The following CTTNBP2 variants were observed in gnomAD, a reference collection of about 807,000 sequenced individuals.
CTTNBP2 encodes cortactin binding protein 2, also known as cortactin-binding protein 2.
CTTNBP2 carries 108 observed loss-of-function variants against 156.9 expected under a neutral mutation model. The ratio of observed to expected loss-of-function variants is 0.69; its 90% CI spans 0.59 to 0.81. The LOEUF (loss-of-function observed/expected upper bound fraction) is 0.81, where lower values mean the gene tolerates loss of function less well. CTTNBP2 is among the 30% of genes least tolerant of loss of function. The probability of loss-of-function intolerance (pLI) is 0.00; values close to 1 mark genes in which losing one functional copy is unlikely to be tolerated. For missense variants in CTTNBP2, 1,924 were observed against 2,035.4 expected, an observed-to-expected ratio of 0.95 and a Z score of 1.05; for synonymous variants, 767 against 751.8, an observed-to-expected ratio of 1.02 and a Z score of -0.33.
intron 3 of CTTNBP2, among the ~76,000 whole-genome samples, chr7:117,802,845 C>T (rs186551289): frequency 1.3e-5 from 2 of 152,104 alleles, no homozygotes; most frequent in African/African-American, 4.8e-5. Flanking sequence ...CCACTTCACA[C>T]CAGTCAGAAT....
intron 2 of CTTNBP2, among the ~76,000 whole-genome samples, chr7:117,811,737 A>G (rs1223670266): frequency 6.6e-6 from 1 of 151,874 alleles, no homozygotes; most frequent in East Asian, 1.9e-4. Flanking sequence ...AAAATCCCCT[A>G]TAGGTTTTTT....
At chr7:117,742,429 C>T (rs1796070294) in intron 14 of CTTNBP2, among the ~76,000 whole-genome samples, 1 of 152,068 alleles carries the variant, frequency 6.6e-6, no homozygotes, top group South Asian at 2.1e-4. Flanking sequence ...TGGATGAATG[C>T]CCTAGAATAG....
chr7:117,788,846 G>T (rs1798841538), intron 4 of CTTNBP2, among the ~76,000 whole-genome samples: 1 of 152,074 alleles, frequency 6.6e-6, no homozygotes, highest in Non-Finnish European at 1.5e-5. Flanking sequence ...CTAAGCAAAT[G>T]ACATAGAAAC....
At chr7:117,834,921 G>A (rs150862378) in intron 2 of CTTNBP2, among the ~76,000 whole-genome samples, 2 of 152,320 alleles carry the variant, frequency 1.3e-5, no homozygotes, top group East Asian at 3.9e-4. Flanking sequence ...CCCTTCAAAA[G>A]CTACACAGGA....
At chr7:117,730,719 C>A (rs1448789247) in intron 16 of CTTNBP2, among the ~76,000 whole-genome samples, 1 of 151,984 alleles carries the variant, frequency 6.6e-6, no homozygotes, top group African/African-American at 2.4e-5. Context: ...ATCACAAGTC[C>A]TCAACAAGCC....
At chr7:117,799,125 A>C (rs1394031114) in intron 3 of CTTNBP2, among the ~76,000 whole-genome samples, 1 of 151,900 alleles carries the variant, frequency 6.6e-6, no homozygotes, top group East Asian at 1.9e-4. Context: ...AATGATGCCA[A>C]ACTTACACCC....
intron 1 of CTTNBP2, among the ~76,000 whole-genome samples, chr7:117,869,995 C>A (rs1011944373): frequency 6.6e-6 from 1 of 152,226 alleles, no homozygotes; most frequent in African/African-American, 2.4e-5. Flanking sequence ...CACACTCCTT[C>A]TTGCAGTGCC....
chr7:117,780,635 C>T, intron 6 of CTTNBP2, 44 bp from the exon 7 acceptor site: 2 of 1,309,064 alleles, frequency 1.5e-6, no homozygotes, highest in Non-Finnish European at 2.1e-6. Flanking sequence ...CTGGGTTTGA[C>T]CTTTGAAGCA....
At chr7:117,836,076 T>C (rs1239442113) in intron 2 of CTTNBP2, among the ~76,000 whole-genome samples, 1 of 152,190 alleles carries the variant, frequency 6.6e-6, no homozygotes, top group African/African-American at 2.4e-5. Context: ...GATATCTCCC[T>C]ATGAACTACC....
chr7:117,841,029 T>C (rs1000479223), intron 2 of CTTNBP2, among the ~76,000 whole-genome samples: 18 of 152,200 alleles, frequency 1.2e-4, no homozygotes, highest in Non-Finnish European at 1.5e-5. Flanking sequence ...AAATTTTAAA[T>C]AAATGCATTA....
chr7:117,748,706 C>T (rs959539276), intron 12 of CTTNBP2, among the ~76,000 whole-genome samples: 1 of 152,148 alleles, frequency 6.6e-6, no homozygotes, highest in Non-Finnish European at 1.5e-5. Flanking sequence ...ACTTTCTTGC[C>T]CTGCTTTCAT....
intron 2 of CTTNBP2, among the ~76,000 whole-genome samples, chr7:117,847,819 C>CTTTTTTTTTTTTTTTTTTTTTTTTTTTTT (rs201419286): frequency 1.1e-5 from 1 of 91,372 alleles, no homozygotes; most frequent in African/African-American, 4.8e-5. Context: ...TTTGCCTAAC[C>CTTTTTTTTTTTTTTTTTTTTTTTTTTTTT]TTTTTTTTTT....
In CTTNBP2 at chr7:117,873,396, C is replaced by G; in HGVS notation, c.20G>C (p.Ser7Thr). 6.7e-7 allele frequency: 1 copy of G among 1,491,766 alleles called. No individual in the cohort carries two copies. Among genetic ancestry groups the G allele is most frequent in the Non-Finnish European group, 8.9e-7 (1 of 1,127,630 alleles). 92.4% of individuals were successfully genotyped at this position (1,491,766 alleles called of 1,614,324 possible). The stretch of plus-strand genomic sequence containing the variant: ...GGCCCGGGACAAGTCGGGCTCGCAG[C>G]TCGCGCCGTCCGTCGCCATCTTCCT... MATDGA[S>T]CEPDLSRAPE... The change falls in exon 1 of 23, where the codon AGC becomes ACC. Residue 7 changes from serine to threonine, a missense_variant. Transcript: ENST00000160373.
intron 1 of CTTNBP2, chr7:117,871,992 G>C: frequency 6.1e-6 from 6 of 984,618 alleles, no homozygotes; most frequent in Non-Finnish European, 7.2e-6. Context: ...GTGCCCCACA[G>C]AGGGGAGCTG....
intron 2 of CTTNBP2, among the ~76,000 whole-genome samples, chr7:117,828,297 T>C (rs1801412359): frequency 6.6e-6 from 1 of 152,138 alleles, no homozygotes; most frequent in African/African-American, 2.4e-5. Context: ...CAAAGAGTCC[T>C]TTCAGGGTAA....
chr7:117,724,794 T>C, intron 18 of CTTNBP2, 62 bp from the exon 19 acceptor site: 2 of 1,561,584 alleles, frequency 1.3e-6, no homozygotes, highest in South Asian at 2.3e-5. Context: ...AAAATACATT[T>C]CCGTTTCTCA....
intron 9 of CTTNBP2, among the ~76,000 whole-genome samples, chr7:117,761,185 G>A (rs911742414): frequency 2.0e-5 from 3 of 152,156 alleles, no homozygotes; most frequent in African/African-American, 4.8e-5. Flanking sequence ...CTATAGATGC[G>A]TGTTCTTGTA....
intron 14 of CTTNBP2, among the ~76,000 whole-genome samples, chr7:117,741,051 G>A (rs1379947118): frequency 6.6e-6 from 1 of 152,216 alleles, no homozygotes; most frequent in African/African-American, 2.4e-5. Context: ...AGCCTTGGGA[G>A]TATAACAGCA....
intron 16 of CTTNBP2, 24 bp downstream of exon 16, chr7:117,734,889 C>A (rs756730707): frequency 1.3e-6 from 2 of 1,549,796 alleles, no homozygotes; most frequent in Non-Finnish European, 1.8e-6. Context: ...CTCCTGGCAA[C>A]AGGCTGCACT....
Sources: gnomAD v4.1 joint callset for allele counts (sites outside exome capture counted in the v4.1 genomes callset) on GRCh38, gnomAD v4.1.1 for gene constraint, MANE v1.5 for transcripts, NCBI Gene and HGNC (gene_info 2026-07-23, HGNC 2026-07-21) for gene names.